PCDHA2: variants seen among roughly 807,000 people sequenced by gnomAD.
The protein encoded by PCDHA2 is protocadherin alpha-2.
In PCDHA2, 58 loss-of-function variants were observed where a neutral mutation model predicts 66.0. The observed-to-expected ratio is 0.88, with a 90% CI of 0.71 to 1.09. PCDHA2 has a LOEUF of 1.09. Among genes scored for constraint, PCDHA2 ranks in the 50% least tolerant of loss-of-function variants. The pLI is 0.00. For missense variants in PCDHA2, 1,267 were observed against 1,242.3 expected (o/e 1.02, Z -0.30); for synonymous variants, 634 against 554.0 (o/e 1.14, Z -2.03).
At chr5:140,830,019 C>T (rs2150179652) in intron 1 of PCDHA2, 3 of 1,613,890 alleles carry the variant, frequency 1.9e-6, no homozygotes, top group Admixed American at 1.7e-5. Flanking sequence ...GCGGACTCTC[C>T]GCGCCACCGG....
At chr5:140,840,433 C>T (rs1580937674) in intron 1 of PCDHA2, among the ~76,000 whole-genome samples, 1 of 151,660 alleles carries the variant, frequency 6.6e-6, no homozygotes, top group African/African-American at 2.4e-5. Context: ...AGTTTAAAGC[C>T]GTGGAAATAG....
At chr5:140,889,159 A>G (rs1392016642) in intron 1 of PCDHA2, among the ~76,000 whole-genome samples, 1 of 151,652 alleles carries the variant, frequency 6.6e-6, no homozygotes, top group Non-Finnish European at 1.5e-5. Context: ...CTTCTTTGTT[A>G]AGTATTCAAG....
At position 140,823,839 on chromosome 5, in the gene PCDHA2, C is replaced by T; in HGVS notation, c.2388+26487C>T. The T allele has an allele frequency of 1.9e-6, 3 of 1,613,784 alleles. No individual in the cohort carries two copies. In the South Asian group the frequency reaches 3.3e-5, roughly 18 times the overall value. On this transcript the variant is annotated intron_variant, in intron 1 of 3. Coordinates refer to ENST00000526136, the MANE Select transcript of PCDHA2 (RefSeq NM_018905.3). ...GGGCGTCGGCGGGCGCTGTGGGTCC[C>T]GAGGCTGCCCTGGTGGATGTCAACG...
intron 1 of PCDHA2, among the ~76,000 whole-genome samples, chr5:140,921,179 G>A (rs1346400425): frequency 1.3e-5 from 2 of 151,662 alleles, no homozygotes; most frequent in Non-Finnish European, 2.9e-5. Context: ...ATAAAGCACA[G>A]TTTTTTCACA....
chr5:140,892,608 TA>T (rs1442553538), intron 1 of PCDHA2, among the ~76,000 whole-genome samples: 2 of 152,184 alleles, frequency 1.3e-5, no homozygotes, highest in African/African-American at 4.8e-5. Flanking sequence ...TTTTTCCTTT[TA>T]TTTCCAGTTG....
chr5:140,881,538 C>A (rs879991805), intron 1 of PCDHA2, among the ~76,000 whole-genome samples: 1 of 152,196 alleles, frequency 6.6e-6, no homozygotes, highest in Middle Eastern at 3.2e-3. Flanking sequence ...TGACTGAACA[C>A]TTTCTTTTGA....
At chr5:140,985,562 C>G (rs1477250763) in intron 3 of PCDHA2, among the ~76,000 whole-genome samples, 1 of 152,116 alleles carries the variant, frequency 6.6e-6, no homozygotes, top group Non-Finnish European at 1.5e-5. Flanking sequence ...CAAAAGGCTT[C>G]TTTCTGGTGC....
rs145919251 is a variant in PCDHA2, at chr5:140,979,502, C to T, written c.2447+495C>T. On this transcript the variant is annotated intron_variant, in intron 2 of 3. Coordinates refer to ENST00000526136, the MANE Select transcript of PCDHA2 (RefSeq NM_018905.3). Reference sequence around the variant, plus strand: ...GTGTTCACACCTATTAGAGCCTCCTCATCTTTCCCATCTGTTGCTATCTTA... The same window carrying T: ...GTGTTCACACCTATTAGAGCCTCCTTATCTTTCCCATCTGTTGCTATCTTA... 1.1e-3 allele frequency among the ~76,000 whole-genome samples: 170 copies of T among 152,258 alleles called. 4 individuals are homozygous for T. In the East Asian group the frequency reaches 0.028, roughly 25 times the overall value.
rs781997514 is a variant in PCDHA2 at position 140,795,219 on chromosome 5, T to C, written c.255T>C (p.Phe85=). Reference sequence around the variant, plus strand: ...TAAATCTGCAGAATGGCATTTTGTTTGTGAATTCTCGGATCGACCGGGAGG... The same window carrying C: ...TAAATCTGCAGAATGGCATTTTGTTCGTGAATTCTCGGATCGACCGGGAGG... ...LEVNLQNGIL[F]VNSRIDREEL... is the part of the protein sequence containing the mutation. Residue 85 remains phenylalanine, a synonymous_variant, in exon 1 of 4, where the codon TTT becomes TTC. Coordinates refer to ENST00000526136, the MANE Select transcript of PCDHA2 (RefSeq NM_018905.3). The C allele has an allele frequency of 6.2e-7, 1 of 1,614,202 alleles. No individual in the cohort carries two copies. The highest frequency in any genetic ancestry group is 1.7e-4 in the Middle Eastern group (1 of 6,056).
At chr5:140,930,403 T>A (rs1337428261) in intron 1 of PCDHA2, 6 of 152,200 alleles carry the variant, frequency 3.9e-5, no homozygotes, top group African/African-American at 1.2e-4. Context: ...CTTTTTTTTT[T>A]TTGAGACAGG....
chr5:140,926,537 T>G, intron 1 of PCDHA2: 10 of 211,562 alleles, frequency 4.7e-5, no homozygotes, highest in Non-Finnish European at 7.4e-5. Flanking sequence ...GCAGCCAGCG[T>G]GGTGGTCGAG....
chr5:140,838,280 A>AT (rs2150286950), intron 1 of PCDHA2, among the ~76,000 whole-genome samples: 90,280 of 139,474 alleles, frequency 0.65, 30,290 homozygotes, highest in Non-Finnish European at 0.74. Context: ...AGCCATGCTA[A>AT]TTTTTTTTTT....
chr5:140,805,743 A>T, intron 1 of PCDHA2: 1 of 270,886 alleles, frequency 3.7e-6, no homozygotes, highest in Non-Finnish European at 5.7e-6. Context: ...TCAACATTGA[A>T]CTTGAAATAC....
chr5:140,890,775 CATAAG>C (rs1358140207), intron 1 of PCDHA2, among the ~76,000 whole-genome samples: 5 of 152,040 alleles, frequency 3.3e-5, no homozygotes, highest in Admixed American at 6.6e-5. Context: ...TTTAAAACCC[CATAAG>C]ATATTAGTAT....
At chr5:140,981,457 C>T (rs910127197) in intron 2 of PCDHA2, among the ~76,000 whole-genome samples, 6 of 152,064 alleles carry the variant, frequency 3.9e-5, no homozygotes, top group African/African-American at 7.2e-5. Context: ...GCCTGTAGTC[C>T]CAGCTACTTG....
At chr5:141,005,725 A>AAAAAAG (rs2098234610) in intron 3 of PCDHA2, among the ~76,000 whole-genome samples, 2 of 150,088 alleles carry the variant, frequency 1.3e-5, no homozygotes, top group Admixed American at 6.6e-5. Flanking sequence ...AAAAAAAAAA[A>AAAAAAG]AAAAAAGAAT....
At chr5:140,819,899 A>G (rs1188836600) in intron 1 of PCDHA2, among the ~76,000 whole-genome samples, 1 of 152,028 alleles carries the variant, frequency 6.6e-6, no homozygotes, top group Non-Finnish European at 1.5e-5. Flanking sequence ...TCTGCAGATT[A>G]CAATGTACAC....
rs1554122811 is a variant in PCDHA2, at chr5:140,803,430, G to T, written c.2388+6078G>T. 3 of 1,614,252 alleles carry T rather than the reference G, an allele frequency of 1.9e-6. No individual in the cohort carries two copies. In the Admixed American group the frequency reaches 5.0e-5, roughly 27 times the overall value. On this transcript the variant is annotated intron_variant, in intron 1 of 3. Transcript: ENST00000526136. ...GCCCACGCTGGTGTGCTCCAGCGCGGTGGGGAGCTGGTCATACTCGCAGCA... is the reference window on the plus strand; with the variant it reads ...GCCCACGCTGGTGTGCTCCAGCGCGTTGGGGAGCTGGTCATACTCGCAGCA...
At chr5:140,856,003 T>G (rs1554148087) in intron 1 of PCDHA2, 3 of 1,536,896 alleles carry the variant, frequency 2.0e-6, no homozygotes, top group Non-Finnish European at 2.6e-6. Flanking sequence ...CGTATGTGCG[T>G]TCTAGACCGC....
Sources: gnomAD v4.1 joint callset for allele counts (sites outside exome capture counted in the v4.1 genomes callset) on GRCh38, gnomAD v4.1.1 for gene constraint, MANE v1.5 for transcripts, NCBI Gene and HGNC (gene_info 2026-07-23, HGNC 2026-07-21) for gene names.